CUX1: variants seen among roughly 807,000 people sequenced by gnomAD.
CUX1 encodes the protein cut like homeobox 1, also known as protein CASP.
Under a neutral mutation model 158.8 loss-of-function variants are expected in CUX1, and 31 were observed. That is an observed-to-expected ratio of 0.20 (90% CI 0.15 to 0.26). The LOEUF is 0.26. CUX1 is among the 10% of genes least tolerant of loss of function. CUX1 has a pLI of 1.00. For missense variants in CUX1, 1,589 were observed against 2,014.6 expected (o/e 0.79, Z 4.04); for synonymous variants, 879 against 862.1 (o/e 1.02, Z -0.34).
At chr7:102,042,764 A>G (rs1822268640) in intron 3 of CUX1, among the ~76,000 whole-genome samples, 1 of 152,042 alleles carries the variant, frequency 6.6e-6, no homozygotes, top group Admixed American at 6.6e-5. Flanking sequence ...AAAGTTGTAT[A>G]TATTTATAGT....
chr7:101,819,873 G>A (rs547378675), intron 1 of CUX1, among the ~76,000 whole-genome samples: 155 of 152,140 alleles, frequency 1.0e-3, no homozygotes, highest in African/African-American at 3.5e-3. Flanking sequence ...ATCTTCTGTC[G>A]GTAGTTAGCC....
At chr7:102,068,691 TC>T (rs1825814118) in intron 3 of CUX1, among the ~76,000 whole-genome samples, 2 of 152,142 alleles carry the variant, frequency 1.3e-5, no homozygotes, top group Non-Finnish European at 2.9e-5. Context: ...TTAAACCGCA[TC>T]CTTTGCCTCT....
In CUX1 at chr7:102,100,150, C is replaced by T. The variant is rs141972086; in HGVS notation, c.406+2649C>T. Among the ~76,000 whole-genome samples, 506 of 152,162 alleles carry T rather than the reference C, an allele frequency of 3.3e-3. 4 individuals carry two copies. Among genetic ancestry groups the T allele is most frequent in the African/African-American group, 0.011 (463 of 41,492 alleles). The stretch of plus-strand genomic sequence containing the variant: ...CAAAAATTACAGGCATGGTTGGGCA[C>T]GCCTGTAATCCCAGCTACTCAGAAG... On this transcript the variant is annotated intron_variant, in intron 5 of 23. Coordinates refer to ENST00000292535, the MANE Select transcript of CUX1 (RefSeq NM_181552.4).
At chr7:102,034,971 CTAGGAATAGAGGGAAACATCT>C (rs1330005838) in intron 3 of CUX1, among the ~76,000 whole-genome samples, 3 of 150,180 alleles carry the variant, frequency 2.0e-5, no homozygotes, top group Non-Finnish European at 3.0e-5. Flanking sequence ...TACTAACAAA[CTAGGAATAGAGGGAAACATCT>C]TAGGAATAGA....
intron 1 of CUX1, among the ~76,000 whole-genome samples, chr7:101,897,445 G>A (rs140422819): frequency 1.8e-4 from 27 of 151,982 alleles, no homozygotes; most frequent in African/African-American, 6.3e-4. Flanking sequence ...AGCCCGCAGT[G>A]AGCTATGATC....
intron 3 of CUX1, among the ~76,000 whole-genome samples, chr7:102,040,421 T>C (rs1021622037): frequency 2.0e-5 from 3 of 152,158 alleles, no homozygotes; most frequent in Non-Finnish European, 4.4e-5. Context: ...AGGAAGTTAG[T>C]AGGGCCCGGG....
intron 2 of CUX1, among the ~76,000 whole-genome samples, chr7:101,924,562 CTTT>C (rs777090455): frequency 7.1e-6 from 1 of 141,166 alleles, no homozygotes; most frequent in African/African-American, 2.6e-5. Flanking sequence ...TACTTTTTTC[CTTT>C]TTTTTTTTTT....
chr7:102,075,942 C>T (rs1320386295), intron 4 of CUX1, among the ~76,000 whole-genome samples: 1 of 152,144 alleles, frequency 6.6e-6, no homozygotes, highest in African/African-American at 2.4e-5. Flanking sequence ...TACCAGACGT[C>T]CCGCCGGCGC....
chr7:101,915,822 G>A (rs1338359051), intron 1 of CUX1, among the ~76,000 whole-genome samples: 1 of 152,188 alleles, frequency 6.6e-6, no homozygotes, highest in Non-Finnish European at 1.5e-5. Flanking sequence ...ATGTTTCTGT[G>A]TATTCTGTTA....
intron 2 of CUX1, among the ~76,000 whole-genome samples, chr7:102,022,493 C>T (rs1192343716): frequency 1.3e-5 from 2 of 152,046 alleles, no homozygotes; most frequent in East Asian, 1.9e-4. Flanking sequence ...TGGCGCATGC[C>T]TCTAGTTCCA....
chr7:102,051,503 C>T (rs1310039862), intron 3 of CUX1, among the ~76,000 whole-genome samples: 6 of 151,938 alleles, frequency 3.9e-5, no homozygotes, highest in African/African-American at 1.5e-4. Context: ...AGAAAATTAG[C>T]CAGGCATGAT....
At chr7:102,274,151 A>G in intron 15 of CUX1, 2 of 1,287,582 alleles carry the variant, frequency 1.6e-6, no homozygotes, top group East Asian at 2.4e-5. Flanking sequence ...TCCTTGCCAC[A>G]CCCACCCTGC....
intron 14 of CUX1, among the ~76,000 whole-genome samples, chr7:102,264,348 G>A (rs1036952962): frequency 6.6e-6 from 1 of 152,156 alleles, no homozygotes; most frequent in Non-Finnish European, 1.5e-5. Context: ...CTGAGGGAAC[G>A]AGCCCTGCAG....
intron 23 of CUX1, among the ~76,000 whole-genome samples, chr7:102,246,606 C>G (rs1337633649): frequency 6.6e-6 from 1 of 151,638 alleles, no homozygotes; most frequent in East Asian, 1.9e-4. Context: ...GGATCTTGCT[C>G]TGTCGCCCAG....
Position 102,254,127 on chromosome 7 carries a change from A to G in CUX1, c.*5085A>G, listed in dbSNP as rs1380922841. ...CAAACAGCTGTGCTCTGCAAGGCAC[A>G]CGGATGTTTCCCTTCCACCTGTTCC... is the stretch of plus-strand genomic sequence containing the variant. On this transcript the variant is annotated 3_prime_UTR_variant, in exon 24 of 24. Transcript: ENST00000292535. The G allele has an allele frequency of 1.4e-5, 14 of 985,278 alleles. No individual in the cohort carries two copies. The highest frequency in any genetic ancestry group is 1.7e-5 in the Non-Finnish European group (14 of 829,952). The allele number at this position is 985,278 out of a possible 1,614,324, so 61.0% of individuals were successfully genotyped here.
intron 3 of CUX1, among the ~76,000 whole-genome samples, chr7:102,058,253 A>T (rs1413570385): frequency 6.6e-6 from 1 of 152,112 alleles, no homozygotes; most frequent in African/African-American, 2.4e-5. Context: ...GCTTCATTGC[A>T]ATATTTGCTC....
chr7:101,896,776 G>C lies in CUX1; in HGVS notation c.31-19339G>C, dbSNP rs145219080. Among the ~76,000 whole-genome samples, 1,099 of 152,362 alleles carry C rather than the reference G, an allele frequency of 7.2e-3. 14 individuals carry two copies. The highest frequency in any genetic ancestry group is 0.025 in the African/African-American group (1,052 of 41,584). ...ATGTTTGTGCTGAAATGTGGAGCCT[G>C]TCTGTCCCTAACAAACTAAATATGA... is the stretch of plus-strand genomic sequence containing the variant. On this transcript the variant is annotated intron_variant, in intron 1 of 23. Coordinates refer to ENST00000292535, the MANE Select transcript of CUX1 (RefSeq NM_181552.4).
intron 2 of CUX1, among the ~76,000 whole-genome samples, chr7:101,949,640 C>T (rs530541950): frequency 1.3e-4 from 19 of 151,758 alleles, no homozygotes; most frequent in African/African-American, 3.6e-4. Flanking sequence ...AAGTGATTCT[C>T]GTGCCTCAGC....
Position 102,201,713 on chromosome 7 carries a change from G to A in CUX1, c.2416G>A (p.Val806Ile). Reference sequence around the variant, plus strand: ...GGGAGCAGCCGATTGTGCACAAGGGGTCCTGAGACAGGTGAAAAATGAGGT... The same window carrying A: ...GGGAGCAGCCGATTGTGCACAAGGGATCCTGAGACAGGTGAAAAATGAGGT... Reference protein sequence around the residue: ...PQGAADCAQGVLRQVKNEVGR... With the variant: ...PQGAADCAQGILRQVKNEVGR... Residue 806 changes from valine (V) to isoleucine (I), a missense_variant, in exon 18 of 24, where the codon GTC (valine) becomes ATC (isoleucine). By Grantham distance (29) the Val-to-Ile change is conservative. Coordinates refer to ENST00000292535, the MANE Select transcript of CUX1 (RefSeq NM_181552.4). The surrounding 1 kb of genome is among the most constrained non-coding windows in gnomAD (Gnocchi z 5.0). 6.2e-7 allele frequency: 1 copy of A among 1,612,642 alleles called. No homozygotes were observed.
Sources: allele counts gnomAD v4.1 joint callset (sites outside exome capture counted in the v4.1 genomes callset), GRCh38; gene constraint gnomAD v4.1.1; non-coding constraint Gnocchi (gnomAD v3.1); transcripts MANE v1.5; gene names NCBI Gene and HGNC (gene_info 2026-07-23, HGNC 2026-07-21).